STK33: variants seen among roughly 807,000 people sequenced by gnomAD.
STK33 encodes serine/threonine kinase 33, also known as serine/threonine-protein kinase 33.
STK33 carries 52 observed loss-of-function variants against 58.0 expected under a neutral mutation model. The observed-to-expected ratio is 0.90, with a 90% CI of 0.72 to 1.13. The LOEUF is 1.13. Among genes scored for constraint, STK33 ranks in the 50% most tolerant of loss-of-function variants. STK33 has a pLI of 0.00. For missense variants in STK33, 630 were observed against 604.2 expected, an observed-to-expected ratio of 1.04 and a Z score of -0.45; for synonymous variants, 215 against 200.1, an observed-to-expected ratio of 1.07 and a Z score of -0.63.
chr11:8,543,815 A>G (rs1018160632), intron 1 of STK33, among the ~76,000 whole-genome samples: 5 of 152,174 alleles, frequency 3.3e-5, no homozygotes, highest in African/African-American at 1.2e-4. Context: ...TCCATGACAT[A>G]TTACACATTG....
intron 1 of STK33, among the ~76,000 whole-genome samples, chr11:8,504,451 T>C (rs1434114714): frequency 6.6e-6 from 1 of 152,128 alleles, no homozygotes; most frequent in East Asian, 1.9e-4. Flanking sequence ...TGTTAAATTT[T>C]CAGGAATTTT....
chr11:8,555,680 TA>T (rs1956693110), intron 1 of STK33, among the ~76,000 whole-genome samples: 1 of 151,148 alleles, frequency 6.6e-6, no homozygotes, highest in South Asian at 2.1e-4. Flanking sequence ...AAAATAAAAA[TA>T]AAAATAACAA....
intron 11 of STK33, among the ~76,000 whole-genome samples, chr11:8,444,601 G>C (rs1255944485): frequency 6.6e-6 from 1 of 151,944 alleles, no homozygotes; most frequent in Non-Finnish European, 1.5e-5. Flanking sequence ...GAATTTATAG[G>C]AGAATATAAC....
chr11:8,555,186 G>A (rs9300088), intron 1 of STK33: 60,213 of 151,720 alleles, frequency 0.4, 12,208 homozygotes, highest in South Asian at 0.57. Flanking sequence ...TTACTTGTAT[G>A]TAGAATCTAA....
intron 1 of STK33, among the ~76,000 whole-genome samples, chr11:8,480,883 G>C (rs113193029): frequency 8.1e-4 from 123 of 152,218 alleles, no homozygotes; most frequent in African/African-American, 2.9e-3. Context: ...ATAAGCAAAA[G>C]ATCAATAAGA....
intron 1 of STK33, among the ~76,000 whole-genome samples, chr11:8,521,438 A>C (rs914412288): frequency 1.3e-5 from 2 of 152,224 alleles, no homozygotes; most frequent in Non-Finnish European, 2.9e-5. Flanking sequence ...GAAAGCTGAA[A>C]CTGGATCCCT....
At chr11:8,437,745 T>C (rs1453551983) in intron 12 of STK33, among the ~76,000 whole-genome samples, 3 of 152,212 alleles carry the variant, frequency 2.0e-5, no homozygotes, top group East Asian at 1.9e-4. Context: ...TGATGACTTT[T>C]GTGGGGGGAA....
chr11:8,490,362 G>A (rs953747435), intron 1 of STK33, among the ~76,000 whole-genome samples: 2 of 152,194 alleles, frequency 1.3e-5, no homozygotes, highest in Non-Finnish European at 2.9e-5. Context: ...ACCTGGCAGG[G>A]GGAGGGGCGT....
chr11:8,558,169 CATTT>C (rs1161087462), intron 1 of STK33, among the ~76,000 whole-genome samples: 7 of 152,158 alleles, frequency 4.6e-5, no homozygotes, highest in Non-Finnish European at 8.8e-5. Context: ...TTCCATCATT[CATTT>C]GTTTGCAGGG....
intron 10 of STK33, among the ~76,000 whole-genome samples, chr11:8,453,375 C>G (rs1459912087): frequency 3.3e-5 from 5 of 152,142 alleles, no homozygotes; most frequent in African/African-American, 1.2e-4. Context: ...CTCACTGAAA[C>G]TCTCCTTTTT....
intron 15 of STK33, among the ~76,000 whole-genome samples, chr11:8,402,058 C>T (rs1267052707): frequency 1.3e-4 from 19 of 151,684 alleles, no homozygotes; most frequent in African/African-American, 3.4e-4. Flanking sequence ...GTCAGTGTGG[C>T]GATTCCTCAG....
chr11:8,509,290 G>A (rs187913873), intron 1 of STK33, among the ~76,000 whole-genome samples: 5 of 152,246 alleles, frequency 3.3e-5, no homozygotes, highest in African/African-American at 1.2e-4. Flanking sequence ...AACCTTCCAT[G>A]TGACTATAGT....
At chr11:8,512,232 C>T (rs185092189) in intron 1 of STK33, among the ~76,000 whole-genome samples, 1 of 152,100 alleles carries the variant, frequency 6.6e-6, no homozygotes, top group Non-Finnish European at 1.5e-5. Flanking sequence ...CAAAAATTTA[C>T]ATAATGATAT....
chr11:8,406,208 C>G (rs1939177689), intron 15 of STK33, among the ~76,000 whole-genome samples: 1 of 151,022 alleles, frequency 6.6e-6, no homozygotes, highest in African/African-American at 2.4e-5. Flanking sequence ...TTCTAGACTC[C>G]CAATTTTGTT....
chr11:8,412,481 A>ATGAATAAT (rs1283711405), intron 15 of STK33, among the ~76,000 whole-genome samples: 1 of 152,208 alleles, frequency 6.6e-6, no homozygotes, highest in Non-Finnish European at 1.5e-5. Flanking sequence ...ATCAAAATCA[A>ATGAATAAT]TGAATAGATC....
chr11:8,558,747 C>A (rs1371199851), intron 1 of STK33, among the ~76,000 whole-genome samples: 1 of 152,148 alleles, frequency 6.6e-6, no homozygotes, highest in African/African-American at 2.4e-5. Flanking sequence ...ATTCTGTGTT[C>A]ACCTGGTGTT....
chr11:8,558,355 G>A (rs1303568997), intron 1 of STK33, among the ~76,000 whole-genome samples: 1 of 151,950 alleles, frequency 6.6e-6, no homozygotes, highest in East Asian at 1.9e-4. Flanking sequence ...ACTTACGGGG[G>A]AAATGTAGCT....
chr11:8,463,198 G>C (rs1004720975), intron 7 of STK33, among the ~76,000 whole-genome samples: 1 of 152,148 alleles, frequency 6.6e-6, no homozygotes, highest in African/African-American at 2.4e-5. Context: ...TTTGGTACCA[G>C]GGACTGATTT....
At chr11:8,520,484 T>A (rs562523380) in intron 1 of STK33, among the ~76,000 whole-genome samples, 1 of 152,246 alleles carries the variant, frequency 6.6e-6, no homozygotes, top group Admixed American at 6.5e-5. Context: ...GTGTTGGAAG[T>A]TCTGGCCAGG....
Sources: allele counts gnomAD v4.1 joint callset (sites outside exome capture counted in the v4.1 genomes callset), GRCh38; gene constraint gnomAD v4.1.1; transcripts MANE v1.5; gene names NCBI Gene and HGNC (gene_info 2026-07-23, HGNC 2026-07-21).